ABCC4: variants seen among roughly 807,000 people sequenced by gnomAD.
The protein encoded by ABCC4 is ATP-binding cassette sub-family C member 4.
A neutral mutation model predicts 168.5 loss-of-function variants in ABCC4; 102 were observed. The observed-to-expected ratio is 0.61, with a 90% CI of 0.52 to 0.71. The LOEUF is 0.71. Among genes scored for constraint, ABCC4 ranks in the 30% least tolerant of loss-of-function variants. ABCC4 has a pLI of 0.00. For synonymous variants in ABCC4, 617 were observed against 590.7 expected (o/e 1.04, Z -0.65); for missense variants, 1,402 against 1,605.8 (o/e 0.87, Z 2.17).
chr13:95,170,687 A>G, intron 13 of ABCC4, 59 bp from the exon 14 acceptor site: 1 of 1,031,670 alleles, frequency 9.7e-7, no homozygotes, highest in Non-Finnish European at 1.5e-6. Context: ...CCACATTGAA[A>G]AACATACATT....
rs1282322308 is a variant in ABCC4 at position 95,297,863 on chromosome 13, AGGGGGT to A, written c.74+3372_74+3377del. On this transcript the variant is annotated intron_variant, in intron 1 of 30. Coordinates refer to ENST00000645237, the MANE Select transcript of ABCC4 (RefSeq NM_005845.5). ...TTTCGAGTGATAAGTAAATAGCTCAAGGGGGTGGGAACTACGAGGTGACTGCTGTGT... is the reference window on the plus strand; with the variant it reads ...TTTCGAGTGATAAGTAAATAGCTCAAGGGAACTACGAGGTGACTGCTGTGT... 2.6e-5 allele frequency among the ~76,000 whole-genome samples: 4 copies of A among 152,156 alleles called. No individual in the cohort carries two copies. The East Asian group carries it at 7.7e-4, about 29-fold the overall frequency.
In ABCC4 at chr13:95,045,746, T is replaced by C. The variant is rs563085093; in HGVS notation, c.3457-1308A>G. On this transcript the variant is annotated intron_variant, in intron 27 of 30. Transcript: ENST00000645237. The stretch of plus-strand genomic sequence containing the variant: ...TAGAGGAACCAAGAGTCAATACATC[T>C]CCAATTAAGAGATCAGCAAGCAGAT... Among the ~76,000 whole-genome samples the C allele has an allele frequency of 2.6e-5, 4 of 152,052 alleles. No homozygotes were observed. The East Asian group carries it at 7.7e-4, about 29-fold the overall frequency.
chr13:95,170,664 T>C (rs1017520644), intron 13 of ABCC4, 36 bp from the exon 14 acceptor site: 2 of 1,272,568 alleles, frequency 1.6e-6, no homozygotes, highest in South Asian at 1.3e-5. Flanking sequence ...AAAAAATGCA[T>C]GAATGGGGTG....
At chr13:95,165,043 C>G (rs2037227261) in intron 15 of ABCC4, among the ~76,000 whole-genome samples, 1 of 152,098 alleles carries the variant, frequency 6.6e-6, no homozygotes, top group Non-Finnish European at 1.5e-5. Flanking sequence ...CAAGGTTCTA[C>G]TAGAGATAAG....
intron 21 of ABCC4, chr13:95,075,776 A>G: frequency 2.2e-6 from 1 of 451,988 alleles, no homozygotes; most frequent in Admixed American, 3.8e-5. Flanking sequence ...CTGGAAATAA[A>G]CGTCCTATTT....
chr13:95,093,995 G>A (rs547028868), intron 20 of ABCC4, among the ~76,000 whole-genome samples: 1 of 152,016 alleles, frequency 6.6e-6, no homozygotes, highest in South Asian at 2.1e-4. Flanking sequence ...CCTCTACAAG[G>A]AAAACTACAA....
intron 7 of ABCC4, among the ~76,000 whole-genome samples, chr13:95,207,587 A>T (rs1437097377): frequency 2.0e-5 from 3 of 152,264 alleles, no homozygotes; most frequent in Non-Finnish European, 4.4e-5. Context: ...TAAGAAGCAT[A>T]CATGCTTTCT....
intron 26 of ABCC4, among the ~76,000 whole-genome samples, chr13:95,058,728 C>T (rs932518359): frequency 1.3e-5 from 2 of 152,100 alleles, no homozygotes; most frequent in Non-Finnish European, 2.9e-5. Flanking sequence ...ATTAGCTGTT[C>T]ATCTCCAGGT....
At position 95,038,949 on chromosome 13, in the gene ABCC4, A is replaced by G. The variant is rs1025087077; in HGVS notation, c.3736-4210T>C. On this transcript the variant is annotated intron_variant, in intron 29 of 30. Coordinates refer to ENST00000645237, the MANE Select transcript of ABCC4 (RefSeq NM_005845.5). Reference sequence around the variant, plus strand: ...AAGTTGATGGCTATAGACAAGAGAGAGAAAAAGCAAAAAGGAGACACAGCA... The same window carrying G: ...AAGTTGATGGCTATAGACAAGAGAGGGAAAAAGCAAAAAGGAGACACAGCA... Among the ~76,000 whole-genome samples the G allele has an allele frequency of 1.3e-3, 205 of 152,254 alleles. 2 individuals are homozygous for G. The highest frequency in any genetic ancestry group is 4.8e-3 in the African/African-American group (198 of 41,556).
chr13:95,271,182 C>A (rs887962626), intron 1 of ABCC4, among the ~76,000 whole-genome samples: 1 of 152,182 alleles, frequency 6.6e-6, no homozygotes, highest in Non-Finnish European at 1.5e-5. Flanking sequence ...TCTCTCTTGA[C>A]CCATAACAAA....
chr13:95,045,057 C>A (rs1380199408), intron 27 of ABCC4, among the ~76,000 whole-genome samples: 1 of 152,162 alleles, frequency 6.6e-6, no homozygotes, highest in East Asian at 1.9e-4. Context: ...AAAATCATAT[C>A]AGTGTCCCCC....
intron 8 of ABCC4, among the ~76,000 whole-genome samples, chr13:95,204,501 G>A (rs142962270): frequency 3.3e-5 from 5 of 152,192 alleles, no homozygotes; most frequent in South Asian, 2.1e-4. Flanking sequence ...GGTTTTATAC[G>A]CGTCTGGCAT....
chr13:95,185,058 A>G (rs754426216), intron 11 of ABCC4, among the ~76,000 whole-genome samples: 1 of 152,190 alleles, frequency 6.6e-6, no homozygotes, highest in Non-Finnish European at 1.5e-5. Context: ...AAGTATAGTA[A>G]TTATTTTAGG....
chr13:95,271,731 A>G lies in ABCC4; in HGVS notation c.75-23978T>C, dbSNP rs537042292. Among the ~76,000 whole-genome samples, 5 of 152,276 alleles carry G rather than the reference A, an allele frequency of 3.3e-5. 1 individual carries two copies. The highest frequency in any genetic ancestry group is 9.6e-5 in the African/African-American group (4 of 41,550). On this transcript the variant is annotated intron_variant, in intron 1 of 30. Transcript: ENST00000645237. Reference sequence around the variant, plus strand: ...TTTTCTATTTATATAACAAACAGACATTGGTCCTAACAGAAACAGAGCACG... The same window carrying G: ...TTTTCTATTTATATAACAAACAGACGTTGGTCCTAACAGAAACAGAGCACG...
At chr13:95,231,094 C>A (rs905996933) in intron 4 of ABCC4, among the ~76,000 whole-genome samples, 11 of 152,094 alleles carry the variant, frequency 7.2e-5, no homozygotes, top group African/African-American at 2.7e-4. Context: ...ATTCATAGAG[C>A]TGGAAAGCAG....
intron 19 of ABCC4, among the ~76,000 whole-genome samples, chr13:95,125,142 G>A (rs2035713242): frequency 1.3e-5 from 2 of 152,246 alleles, no homozygotes; most frequent in South Asian, 4.2e-4. Context: ...AGGATGCCTG[G>A]CTGTCAGGCA....
intron 11 of ABCC4, among the ~76,000 whole-genome samples, chr13:95,182,487 T>C (rs1277846681): frequency 6.6e-6 from 1 of 152,226 alleles, no homozygotes; most frequent in Non-Finnish European, 1.5e-5. Context: ...AGAAACCCTA[T>C]ATAAATATCA....
At chr13:95,056,353 T>C (rs1008917944) in intron 26 of ABCC4, among the ~76,000 whole-genome samples, 70 of 152,282 alleles carry the variant, frequency 4.6e-4, no homozygotes, top group African/African-American at 1.7e-3. Context: ...ACTTTAAATC[T>C]TGGTTTCCCT....
chr13:95,083,424 A>G (rs934347036), intron 20 of ABCC4, 134 bp from the exon 21 acceptor site: 1 of 1,048,512 alleles, frequency 9.5e-7, no homozygotes, highest in Non-Finnish European at 1.4e-6. Context: ...TTTTCCATAC[A>G]AAGGAATAAC....
Sources: allele counts gnomAD v4.1 joint callset (sites outside exome capture counted in the v4.1 genomes callset), GRCh38; gene constraint gnomAD v4.1.1; transcripts MANE v1.5; gene names NCBI Gene and HGNC (gene_info 2026-07-23, HGNC 2026-07-21).